The following DAB1 variants were observed in gnomAD, a reference collection of about 807,000 sequenced individuals.
The protein encoded by DAB1 is DAB adaptor protein 1.
In DAB1, 15 loss-of-function variants were observed where a neutral mutation model predicts 64.6. The ratio of observed to expected loss-of-function variants is 0.23; its 90% CI spans 0.16 to 0.36. The LOEUF (loss-of-function observed/expected upper bound fraction) is 0.36, where lower values mean the gene tolerates loss of function less well. Among genes scored for constraint, DAB1 ranks in the 10% least tolerant of loss-of-function variants. The probability of loss-of-function intolerance (pLI) is 1.00; values close to 1 mark genes in which losing one functional copy is unlikely to be tolerated. For missense variants in DAB1, 596 were observed against 706.7 expected, an observed-to-expected ratio of 0.84 and a Z score of 1.78; for synonymous variants, 235 against 251.9, an observed-to-expected ratio of 0.93 and a Z score of 0.64.
intron 4 of DAB1, among the ~76,000 whole-genome samples, chr1:57,118,204 G>A (rs1170370739): frequency 6.6e-6 from 1 of 152,150 alleles, no homozygotes; most frequent in Middle Eastern, 3.2e-3. Flanking sequence ...ATACAGCCAT[G>A]GAAGGTGTCA....
intron 1 of DAB1, among the ~76,000 whole-genome samples, chr1:57,315,749 G>A (rs1240049855): frequency 3.3e-5 from 5 of 152,116 alleles, no homozygotes; most frequent in South Asian, 2.1e-4. Context: ...TGATCCGCCC[G>A]CCTTGGCTTC....
intron 1 of DAB1, among the ~76,000 whole-genome samples, chr1:57,326,781 A>G (rs1009344668): frequency 6.6e-6 from 1 of 152,064 alleles, no homozygotes; most frequent in Non-Finnish European, 1.5e-5. Context: ...CCATCATGAG[A>G]GTACCATCCT....
intron 4 of DAB1, among the ~76,000 whole-genome samples, chr1:57,109,664 T>C (rs1445158366): frequency 2.0e-5 from 3 of 152,232 alleles, no homozygotes; most frequent in Admixed American, 6.5e-5. Context: ...CCAGCTCTTA[T>C]GCTCAGTGAT....
At chr1:58,524,716 T>C (rs573821590) in intron 2 of DAB1, among the ~76,000 whole-genome samples, 1 of 152,186 alleles carries the variant, frequency 6.6e-6, no homozygotes, top group Non-Finnish European at 1.5e-5. Flanking sequence ...AACTCAACTT[T>C]TTCTTGTAAT....
chr1:57,305,447 C>T (rs1426674572), intron 1 of DAB1, among the ~76,000 whole-genome samples: 1 of 152,208 alleles, frequency 6.6e-6, no homozygotes, highest in African/African-American at 2.4e-5. Context: ...GAGGCCCACA[C>T]ATGAAAGAGG....
intron 1 of DAB1, among the ~76,000 whole-genome samples, chr1:57,417,811 T>TA (rs1339265540): frequency 1.3e-5 from 2 of 152,172 alleles, no homozygotes; most frequent in African/African-American, 4.8e-5. Context: ...ATTACCTCTG[T>TA]ACCCAATTAT....
intron 4 of DAB1, among the ~76,000 whole-genome samples, chr1:58,252,653 A>C (rs986923738): frequency 1.3e-5 from 2 of 152,190 alleles, no homozygotes; most frequent in Non-Finnish European, 2.9e-5. Flanking sequence ...ACAGAAACTC[A>C]ATGAGATAAA....
At chr1:57,339,064 A>G (rs1677333998) in intron 1 of DAB1, among the ~76,000 whole-genome samples, 1 of 152,114 alleles carries the variant, frequency 6.6e-6, no homozygotes, top group South Asian at 2.1e-4. Context: ...GTTCCCACTC[A>G]GGACATGTCT....
chr1:58,533,771 G>A (rs1319086876), intron 1 of DAB1, among the ~76,000 whole-genome samples: 1 of 151,962 alleles, frequency 6.6e-6, no homozygotes, highest in Non-Finnish European at 1.5e-5. Flanking sequence ...AAATACTAAA[G>A]ACCATAAAAA....
At chr1:58,342,518 T>C (rs1198036537) in intron 4 of DAB1, among the ~76,000 whole-genome samples, 1 of 152,164 alleles carries the variant, frequency 6.6e-6, no homozygotes, top group Non-Finnish European at 1.5e-5. Context: ...TCAGTGTTCA[T>C]TATATATCAT....
chr1:57,435,076 TC>T (rs1558376534), intron 7 of DAB1, among the ~76,000 whole-genome samples: 1 of 140,750 alleles, frequency 7.1e-6, no homozygotes, highest in Non-Finnish European at 1.5e-5. Flanking sequence ...TGAGAGAGAG[TC>T]TCGCTCTGTC....
intron 1 of DAB1, among the ~76,000 whole-genome samples, chr1:57,840,647 C>A (rs902647894): frequency 1.3e-5 from 2 of 152,066 alleles, no homozygotes; most frequent in Admixed American, 6.5e-5. Context: ...GAAGCAAGAA[C>A]CTTCTTAACA....
At chr1:58,021,634 G>A (rs1369400425) in intron 5 of DAB1, among the ~76,000 whole-genome samples, 1 of 152,180 alleles carries the variant, frequency 6.6e-6, no homozygotes, top group African/African-American at 2.4e-5. Context: ...AGGCAAGTAT[G>A]GAATATGGCC....
At chr1:57,342,705 G>C (rs954067129) in intron 1 of DAB1, among the ~76,000 whole-genome samples, 1 of 152,092 alleles carries the variant, frequency 6.6e-6, no homozygotes, top group African/African-American at 2.4e-5. Flanking sequence ...TCTGATGTTC[G>C]GATGTGTTCA....
chr1:57,706,798 C>A (rs150561607), intron 6 of DAB1, among the ~76,000 whole-genome samples: 6 of 152,030 alleles, frequency 3.9e-5, no homozygotes, highest in African/African-American at 1.2e-4. Context: ...CCAGGCCGGG[C>A]GCGGTGGCTC....
intron 6 of DAB1, among the ~76,000 whole-genome samples, chr1:57,739,448 TCCCCTCCCCTTCCCTC>T (rs1647863198): frequency 1.7e-4 from 1 of 5,942 alleles, no homozygotes; most frequent in Non-Finnish European, 3.0e-4. Context: ...TCCCCTCCCC[TCCCCTCCCCTTCCCTC>T]CCCTCCCCTC....
At chr1:58,118,186 C>T (rs966361123) in intron 5 of DAB1, among the ~76,000 whole-genome samples, 2 of 151,398 alleles carry the variant, frequency 1.3e-5, no homozygotes, top group Non-Finnish European at 2.9e-5. Context: ...GCTAGAATTA[C>T]AGGAGTGGGC....
At chr1:58,221,668 G>C (rs1304784836) in intron 4 of DAB1, among the ~76,000 whole-genome samples, 1 of 152,202 alleles carries the variant, frequency 6.6e-6, no homozygotes, top group Non-Finnish European at 1.5e-5. Flanking sequence ...TTGCTCTGGT[G>C]ACTTCACAGA....
intron 4 of DAB1, among the ~76,000 whole-genome samples, chr1:58,244,233 G>A (rs1347025342): frequency 3.3e-5 from 5 of 152,132 alleles, no homozygotes. Context: ...TAAAACAGCT[G>A]CTACAAAAGC....
Sources: allele counts gnomAD v4.1 joint callset (sites outside exome capture counted in the v4.1 genomes callset), GRCh38; gene constraint gnomAD v4.1.1; transcripts MANE v1.5; gene names NCBI Gene and HGNC (gene_info 2026-07-23, HGNC 2026-07-21).